The following TULP2 variants were observed in gnomAD, a reference collection of about 807,000 sequenced individuals.
The protein encoded by TULP2 is TUB like protein 2.
A neutral mutation model predicts 60.3 loss-of-function variants in TULP2; 64 were observed. That is an observed-to-expected ratio of 1.06 (90% CI 0.87 to 1.31). The LOEUF (loss-of-function observed/expected upper bound fraction) is 1.31. Among genes scored for constraint, TULP2 ranks in the 50% most tolerant of loss-of-function variants. The pLI is 0.00. For missense variants in TULP2, 652 were observed against 667.0 expected (o/e 0.98, Z 0.25); for synonymous variants, 267 against 265.4 (o/e 1.01, Z -0.06).
rs531611681 is a variant in TULP2 at position 48,893,558 on chromosome 19, T to C, written c.514+1440A>G. 1.9e-4 allele frequency among the ~76,000 whole-genome samples: 29 copies of C among 149,070 alleles called. 1 individual carries two copies. In the South Asian group the frequency reaches 3.4e-3, roughly 17 times the overall value. ...AATTGATGCACTATTTCTTTCTTTC[T>C]TTTTTTTTTCCTTGAGACAAAGTCT... On this transcript the variant is annotated intron_variant, in intron 6 of 12. Coordinates refer to ENST00000221399, the MANE Select transcript of TULP2 (RefSeq NM_003323.3).
intron 8 of TULP2, among the ~76,000 whole-genome samples, chr19:48,887,012 CTTT>C (rs535945118): frequency 3.0e-5 from 4 of 132,576 alleles, no homozygotes; most frequent in Non-Finnish European, 1.6e-5. Context: ...CGTGCCCGGC[CTTT>C]TTTTTTTTTT....
chr19:48,886,236 G>A (rs2037178169), intron 8 of TULP2, among the ~76,000 whole-genome samples: 1 of 151,896 alleles, frequency 6.6e-6, no homozygotes, highest in Non-Finnish European at 1.5e-5. Context: ...AACCTGGGAG[G>A]CGGAGCTTGC....
rs1481097523 is a variant in TULP2 at position 48,898,626 on chromosome 19, G to C, written c.-38C>G. 3 of 151,972 alleles carry C rather than the reference G, an allele frequency of 2.0e-5. No individual in the cohort carries two copies. The allele number at this position is 151,972 out of a possible 1,614,324, so 9.4% of individuals were successfully genotyped here. On this transcript the variant is annotated 5_prime_UTR_variant, in exon 1 of 13. Coordinates refer to ENST00000221399, the MANE Select transcript of TULP2 (RefSeq NM_003323.3). ...TTTGGAAGCTGGGGACCTAATCTCG[G>C]GATATCTGCGAAATAGGGAGGAGAA...
At chr19:48,892,291 C>A (rs920942598) in intron 6 of TULP2, among the ~76,000 whole-genome samples, 2 of 152,222 alleles carry the variant, frequency 1.3e-5, no homozygotes, top group Admixed American at 6.5e-5. Flanking sequence ...GTCCCTGCAG[C>A]CTTCCACAGT....
intron 6 of TULP2, among the ~76,000 whole-genome samples, chr19:48,891,348 G>A (rs1389642042): frequency 7.1e-6 from 1 of 141,574 alleles, no homozygotes; most frequent in Non-Finnish European, 1.5e-5. Flanking sequence ...AATTTGTTAG[G>A]TGGGCCAGGG....
chr19:48,881,032 G>A lies in TULP2; in HGVS notation c.1542C>T (p.Ile514=), dbSNP rs1229368750. ...GCTTCTAATTGAAACTGGACAAGCA[G>A]ATGCTGAAGGCCTGGAGCGGGCTAA... The part of the protein sequence containing the change: ...FPFSPLQAFS[I]CLSSFN The change falls in exon 13 of 13, where the codon ATC becomes ATT. Residue 514 remains isoleucine, a synonymous_variant. Transcript: ENST00000221399. 1 of 1,613,684 alleles carries A rather than the reference G, an allele frequency of 6.2e-7. No individual in the cohort carries two copies. Among genetic ancestry groups the A allele is most frequent in the African/African-American group, 1.3e-5 (1 of 74,842 alleles).
Position 48,889,538 on chromosome 19 carries a change from C to CA in TULP2, c.607dup (p.Cys203LeufsTer4). ...TTGGAAGGCCAAGTTTTCATATACA[C>CA]AGTCACCATCCATTCCAGGGTTTGG... is the stretch of plus-strand genomic sequence containing the variant. On this transcript the variant is annotated frameshift_variant, in exon 7 of 13. Coordinates refer to ENST00000221399, the MANE Select transcript of TULP2 (RefSeq NM_003323.3). LOFTEE classifies it high-confidence loss of function. 1 of 1,580,634 alleles carries CA rather than the reference C, an allele frequency of 6.3e-7. No homozygotes were observed. The highest frequency in any genetic ancestry group is 8.7e-7 in the Non-Finnish European group (1 of 1,153,694).
chr19:48,883,850 C>T lies in TULP2; in HGVS notation c.1179G>A (p.Glu393=). The T allele has an allele frequency of 6.2e-7, 1 of 1,614,108 alleles. No homozygotes were observed. ...IRQELGAVCY[E]PNVLGYLGPR... is the part of the protein sequence containing the mutation. Reference sequence around the variant, plus strand: ...GCCCCAGGTATCCTAAGACGTTGGGCTCCTGGGGGTATTACATTCCAGTTG... The same window carrying T: ...GCCCCAGGTATCCTAAGACGTTGGGTTCCTGGGGGTATTACATTCCAGTTG... The change falls in exon 11 of 13, where the codon GAG becomes GAA. Residue 393 remains glutamate, a splice_region_variant and synonymous_variant. Coordinates refer to ENST00000221399, the MANE Select transcript of TULP2 (RefSeq NM_003323.3).
intron 6 of TULP2, among the ~76,000 whole-genome samples, chr19:48,892,830 T>C (rs1328414031): frequency 6.6e-6 from 1 of 151,980 alleles, no homozygotes; most frequent in Non-Finnish European, 1.5e-5. Flanking sequence ...AAATGGAGTT[T>C]CTTATGTCTT....
chr19:48,894,892 T>C, intron 6 of TULP2, 106 bp downstream of exon 6: 1 of 1,393,288 alleles, frequency 7.2e-7, no homozygotes, highest in South Asian at 1.5e-5. Context: ...GGGTGACTTG[T>C]ATGGTTTGTG....
At position 48,897,709 on chromosome 19, in the gene TULP2, G is replaced by C; in HGVS notation, c.32+128C>G. On this transcript the variant is annotated intron_variant, in intron 2 of 12. Transcript: ENST00000221399. The surrounding 1 kb of genome is among the most constrained non-coding windows in gnomAD (Gnocchi z 4.0). ...CATCCCTTCAGGACACAGGAGTCCA[G>C]GTCCCCAGCCCCTTCCTGCAAGGCC... The C allele has an allele frequency of 9.5e-7, 1 of 1,049,082 alleles. No individual in the cohort carries two copies. The highest frequency in any genetic ancestry group is 1.5e-6 in the Non-Finnish European group (1 of 672,794). 65.0% of individuals were successfully genotyped at this position (1,049,082 alleles called of 1,614,324 possible). A position where few individuals can be genotyped will look rare whatever the true frequency, so the allele number is the denominator to read the frequency against.
chr19:48,890,238 G>A (rs7507150), intron 6 of TULP2, among the ~76,000 whole-genome samples: 58 of 152,172 alleles, frequency 3.8e-4, no homozygotes, highest in Admixed American at 6.5e-5. Flanking sequence ...TGGGACATGC[G>A]GGCAGCAATA....
rs2037298279 is a variant in TULP2, at chr19:48,898,000, C to A, written c.-1-131G>T. ...ATTTATGTATTTAGAGACAGCTGAG[C>A]CTCGCTCTGTCGCCCAGGCTGCAGT... On this transcript the variant is annotated intron_variant, in intron 1 of 12. Coordinates refer to ENST00000221399, the MANE Select transcript of TULP2 (RefSeq NM_003323.3). This position sits in a 1 kb window ranked among gnomAD's most constrained non-coding sequence, Gnocchi z 4.0. 1 of 683,760 alleles carries A rather than the reference C, an allele frequency of 1.5e-6. No individual in the cohort carries two copies. Among genetic ancestry groups the A allele is most frequent in the Admixed American group, 4.3e-5 (1 of 23,244 alleles). The allele number at this position is 683,760 out of a possible 1,614,324, so 42.4% of individuals were successfully genotyped here. A position where few individuals can be genotyped will look rare whatever the true frequency, so the allele number is the denominator to read the frequency against.
chr19:48,886,559 C>G (rs1200677265), intron 8 of TULP2, among the ~76,000 whole-genome samples: 1 of 151,950 alleles, frequency 6.6e-6, no homozygotes, highest in Non-Finnish European at 1.5e-5. Flanking sequence ...CAAAAAACCT[C>G]TTTCTAGGGG....
intron 6 of TULP2, among the ~76,000 whole-genome samples, chr19:48,892,823 T>C (rs1367828418): frequency 2.6e-5 from 4 of 151,224 alleles, no homozygotes; most frequent in Admixed American, 1.3e-4. Context: ...CAGATCAAAA[T>C]GGAGTTTCTT....
Position 48,896,455 on chromosome 19 carries a change from C to T in TULP2, c.186G>A (p.Arg62=). Reference sequence around the variant, plus strand: ...CTCTGTCACCTAAAAGGCGCTCCTCCCGCAGACAAGAGCGCCAAAGCCACG... The same window carrying T: ...CTCTGTCACCTAAAAGGCGCTCCTCTCGCAGACAAGAGCGCCAAAGCCACG... ...ASPWLWRSCL[R]EERLLGDRGL... The change falls in exon 4 of 13, where the codon CGG becomes CGA. Residue 62 remains arginine, a synonymous_variant. Transcript: ENST00000221399. 1 of 1,610,740 alleles carries T rather than the reference C, an allele frequency of 6.2e-7. No individual in the cohort carries two copies. Among genetic ancestry groups the T allele is most frequent in the Non-Finnish European group, 8.5e-7 (1 of 1,178,936 alleles).
chr19:48,893,957 C>T (rs73061689), intron 6 of TULP2, among the ~76,000 whole-genome samples: 16,240 of 152,216 alleles, frequency 0.11, 1,190 homozygotes, highest in Non-Finnish European at 0.16. Context: ...ATCCTACAGG[C>T]TCCACATCCC....
In TULP2 at chr19:48,897,843, A is replaced by C; in HGVS notation, c.26T>G (p.Met9Arg). ...CATCTGTTTCCCTACTCACTCTCTC[A>C]TCAATGTGTCATTATCCTGAGACAT... is the stretch of plus-strand genomic sequence containing the variant. The part of the protein sequence containing the change: MSQDNDTL[M>R]RDILGHELAA... The change falls in exon 2 of 13, where the codon ATG (methionine) becomes AGG (arginine). Residue 9 changes from methionine (M) to arginine (R), a missense_variant. Met to Arg is a moderately conservative substitution (Grantham distance 91). Transcript: ENST00000221399. The surrounding 1 kb of genome is among the most constrained non-coding windows in gnomAD (Gnocchi z 4.0). 1.4e-5 allele frequency: 22 copies of C among 1,613,312 alleles called. No individual in the cohort carries two copies. The highest frequency in any genetic ancestry group is 2.2e-5 in the East Asian group (1 of 44,804).
At chr19:48,892,515 T>TGG (rs371148187) in intron 6 of TULP2, among the ~76,000 whole-genome samples, 2 of 134,344 alleles carry the variant, frequency 1.5e-5, no homozygotes, top group African/African-American at 5.7e-5. Flanking sequence ...TTTTTTTTTT[T>TGG]GGGGGGGGGA....
Sources: allele counts gnomAD v4.1 joint callset (sites outside exome capture counted in the v4.1 genomes callset), GRCh38; gene constraint gnomAD v4.1.1; non-coding constraint Gnocchi (gnomAD v3.1); transcripts MANE v1.5; gene names NCBI Gene and HGNC (gene_info 2026-07-23, HGNC 2026-07-21).